The following MMP25 variants were observed in gnomAD, a reference collection of about 807,000 sequenced individuals.
MMP25 encodes matrix metallopeptidase 25, also known as matrix metalloproteinase-25.
In MMP25, 68 loss-of-function variants were observed where a neutral mutation model predicts 62.1. The ratio of observed to expected loss-of-function variants is 1.10; its 90% confidence interval spans 0.90 to 1.34. The LOEUF (loss-of-function observed/expected upper bound fraction) is 1.34. Ranked by LOEUF, MMP25 falls within the 40% of genes most tolerant of loss-of-function variation. MMP25 has a pLI of 0.00. For missense variants in MMP25, 942 were observed against 792.5 expected (o/e 1.19, Z -2.26); for synonymous variants, 407 against 345.6 (o/e 1.18, Z -1.97).
At position 3,060,191 on chromosome 16, in the gene MMP25, C is replaced by G. The variant is rs1956089788; in HGVS notation, c.*1093C>G. ...AGGATCTAAATGATTGCCTCTGGAA[C>G]TATTCTTCTAGACTATCCCACATCA... On this transcript the variant is annotated 3_prime_UTR_variant, in exon 10 of 10. Transcript: ENST00000336577. 6.6e-6 allele frequency: 1 copy of G among 152,190 alleles called. No homozygotes were observed. The highest frequency in any genetic ancestry group is 1.5e-5 in the Non-Finnish European group (1 of 68,064). 9.4% of individuals were successfully genotyped at this position (152,190 alleles called of 1,614,324 possible).
chr16:3,059,292 C>T lies in MMP25; in HGVS notation c.*194C>T, dbSNP rs7206865. 0.098 allele frequency: 60,221 copies of T among 615,814 alleles called. 3,707 individuals carry two copies. Among genetic ancestry groups the T allele is most frequent in the African/African-American group, 0.2 (10,467 of 51,544 alleles). The allele number at this position is 615,814 out of a possible 1,614,324, so 38.1% of individuals were successfully genotyped here. On this transcript the variant is annotated 3_prime_UTR_variant, in exon 10 of 10. Transcript: ENST00000336577. ...GGGACCGGTCGCCTGGCGCTGGGCT[C>T]AGTCTCCTCAGGGTCTGAGACCCCG...
rs553635321 is a variant in MMP25 at position 3,055,451 on chromosome 16, C to T, written c.662-1582C>T. ...CAGTCGACAGGGAAATTCGTCAGTG[C>T]GGATGTGATTTGAGCAAGACCATTG... On this transcript the variant is annotated intron_variant, in intron 4 of 9. Transcript: ENST00000336577. 1.7e-3 allele frequency among the ~76,000 whole-genome samples: 253 copies of T among 152,250 alleles called. 1 individual carries two copies. The highest frequency in any genetic ancestry group is 2.5e-3 in the Non-Finnish European group (172 of 68,006).
chr16:3,047,143 G>A (rs1955833222), intron 1 of MMP25, 127 bp downstream of exon 1: 3 of 1,155,074 alleles, frequency 2.6e-6, no homozygotes, highest in Non-Finnish European at 3.5e-6. Context: ...CTGAGGATGG[G>A]GTCTGTGCTC....
rs1238235261 is a variant in MMP25, at chr16:3,056,792, C to T, written c.662-241C>T. On this transcript the variant is annotated intron_variant, in intron 4 of 9. Transcript: ENST00000336577. Reference sequence around the variant, plus strand: ...CCATCGGTGTGTAAGGTGGCCTATTCCTCTGTGTGTTCTCTGGATCTTTTC... The same window carrying T: ...CCATCGGTGTGTAAGGTGGCCTATTTCTCTGTGTGTTCTCTGGATCTTTTC... The T allele has an allele frequency of 1.3e-5, 6 of 469,920 alleles. No homozygotes were observed. In the Admixed American group the frequency reaches 1.6e-4, roughly 12 times the overall value. The allele number at this position is 469,920 out of a possible 1,614,324, so 29.1% of individuals were successfully genotyped here.
At position 3,059,330 on chromosome 16, in the gene MMP25, G is replaced by C. The variant is rs1956076480; in HGVS notation, c.*232G>C. 4.7e-6 allele frequency: 2 copies of C among 423,676 alleles called. No homozygotes were observed. Among genetic ancestry groups the C allele is most frequent in the East Asian group, 7.3e-5 (2 of 27,370 alleles). 26.2% of individuals were successfully genotyped at this position (423,676 alleles called of 1,614,324 possible). The stretch of plus-strand genomic sequence containing the variant: ...GTCTGAGACCCCGGCGCTGCCACCG[G>C]AACCCGCCTTCAGGGGCGCACGCGC... On this transcript the variant is annotated 3_prime_UTR_variant, in exon 10 of 10. Coordinates refer to ENST00000336577, the MANE Select transcript of MMP25 (RefSeq NM_022468.5).
rs1328355889 is a variant in MMP25, at chr16:3,059,252, G to C, written c.*154G>C. The C allele has an allele frequency of 1.1e-6, 1 of 929,738 alleles. No individual in the cohort carries two copies. The highest frequency in any genetic ancestry group is 3.3e-5 in the Admixed American group (1 of 29,896). The allele number at this position is 929,738 out of a possible 1,614,324, so 57.6% of individuals were successfully genotyped here. A position where few individuals can be genotyped will look rare whatever the true frequency, so the allele number is the denominator to read the frequency against. ...CTAAGCAGGGGGGATCTCCCGCGCAGGGGCGGCGGCGGCGGGGACCGGTCG... is the reference window on the plus strand; with the variant it reads ...CTAAGCAGGGGGGATCTCCCGCGCACGGGCGGCGGCGGCGGGGACCGGTCG... On this transcript the variant is annotated 3_prime_UTR_variant, in exon 10 of 10. Transcript: ENST00000336577.
chr16:3,057,307 C>T lies in MMP25; in HGVS notation c.839-3C>T. 1 of 1,614,108 alleles carries T rather than the reference C, an allele frequency of 6.2e-7. No individual in the cohort carries two copies. Among genetic ancestry groups the T allele is most frequent in the Non-Finnish European group, 8.5e-7 (1 of 1,179,992 alleles). ...GCACACCTGCCTGACTCTTTCCTCA[C>T]AGGGAAGGCGCCCCAAACCCCATAT... On this transcript the variant is annotated splice_region_variant and splice_polypyrimidine_tract_variant and intron_variant, in intron 5 of 9. Transcript: ENST00000336577.
In MMP25 at chr16:3,047,537, C is replaced by T. The variant is rs7198055; in HGVS notation, c.222C>T (p.Thr74=). The change falls in exon 2 of 10, where the codon ACC becomes ACT. Residue 74 remains threonine, a synonymous_variant. Coordinates refer to ENST00000336577, the MANE Select transcript of MMP25 (RefSeq NM_022468.5). ...VMQRFAGLPE[T]GRMDPGTVAT... ...AGAGGTTCGCGGGGCTGCCGGAGAC[C>T]GGCCGCATGGGTAGGTGGCCCCCAC... 1,540 of 1,613,136 alleles carry T rather than the reference C, an allele frequency of 9.5e-4. 13 individuals are homozygous for T. In the African/African-American group the frequency reaches 0.018, roughly 18 times the overall value.
chr16:3,050,263 C>T lies in MMP25; in HGVS notation c.378C>T (p.Ser126=), dbSNP rs1261483969. 1.3e-6 allele frequency: 2 copies of T among 1,596,732 alleles called. No individual in the cohort carries two copies. The highest frequency in any genetic ancestry group is 2.7e-5 in the African/African-American group (2 of 74,676). Residue 126 remains serine, a synonymous_variant, in exon 4 of 10, where the codon TCC becomes TCT. Transcript: ENST00000336577. ...ACTCCCCTCTCCCCAGGGTACGTTC[C>T]TTCCCCCAGAGCTCCCAGCTGAGCC... ...KKRTLTWRVR[S]FPQSSQLSQE... is the part of the protein sequence containing the mutation.
rs1445059595 is a variant in MMP25, at chr16:3,057,513, C to T, written c.924-18C>T. 6.2e-7 allele frequency: 1 copy of T among 1,611,922 alleles called. No individual in the cohort carries two copies. The highest frequency in any genetic ancestry group is 8.5e-7 in the Non-Finnish European group (1 of 1,178,148). On this transcript the variant is annotated intron_variant, in intron 6 of 9. Transcript: ENST00000336577. ...AAAACAAACCCCCCTCTCTACTCAC[C>T]TCTCCTTTCCTCCCCAGCCCATCCT... is the stretch of plus-strand genomic sequence containing the variant.
chr16:3,047,348 G>A, intron 1 of MMP25, 67 bp from the exon 2 acceptor site: 1 of 1,545,600 alleles, frequency 6.5e-7, no homozygotes, highest in East Asian at 2.3e-5. Flanking sequence ...CTGCCAGGAT[G>A]GTGGTGGGCA....
At position 3,057,537 on chromosome 16, in the gene MMP25, C is replaced by T. The variant is rs1956034640; in HGVS notation, c.930C>T (p.Ser310=). 3 of 1,614,048 alleles carry T rather than the reference C, an allele frequency of 1.9e-6. No homozygotes were observed. The highest frequency in any genetic ancestry group is 1.7e-6 in the Non-Finnish European group (2 of 1,179,922). The part of the protein sequence containing the change: ...QPPASPTHSP[S]FPIPDRCEGN... ...CCTCTCCTTTCCTCCCCAGCCCATCCTTCCCCATCCCTGATCGATGTGAGG... is the reference window on the plus strand; with the variant it reads ...CCTCTCCTTTCCTCCCCAGCCCATCTTTCCCCATCCCTGATCGATGTGAGG... The change falls in exon 7 of 10, where the codon TCC becomes TCT. Residue 310 remains serine, a synonymous_variant. Transcript: ENST00000336577.
Position 3,060,224 on chromosome 16 carries a change from T to A in MMP25, c.*1126T>A, listed in dbSNP as rs1956090133. On this transcript the variant is annotated 3_prime_UTR_variant, in exon 10 of 10. Coordinates refer to ENST00000336577, the MANE Select transcript of MMP25 (RefSeq NM_022468.5). The stretch of plus-strand genomic sequence containing the variant: ...CTAGACTATCCCACATCAGAATCAC[T>A]GGGAAATTTAAGTTTGCAGATCCCA... 1 of 152,098 alleles carries A rather than the reference T, an allele frequency of 6.6e-6. No homozygotes were observed. Among genetic ancestry groups the A allele is most frequent in the South Asian group, 2.1e-4 (1 of 4,824 alleles). 9.4% of individuals were successfully genotyped at this position (152,098 alleles called of 1,614,324 possible). A position where few individuals can be genotyped will look rare whatever the true frequency, so the allele number is the denominator to read the frequency against.
At chr16:3,056,127 G>A (rs1200533699) in intron 4 of MMP25, 2 of 329,168 alleles carry the variant, frequency 6.1e-6, no homozygotes, top group Middle Eastern at 1.1e-3. Context: ...GGGGGAGGGG[G>A]GATGGAGGAC....
At chr16:3,049,853 C>T (rs1955872783) in intron 2 of MMP25, 156 bp from the exon 3 acceptor site, 2 of 1,093,570 alleles carry the variant, frequency 1.8e-6, no homozygotes, top group African/African-American at 3.1e-5. Flanking sequence ...CAGAGACAGA[C>T]TGCCTGGGTT....
At position 3,051,538 on chromosome 16, in the gene MMP25, C is replaced by T. The variant is rs1955901401; in HGVS notation, c.661+992C>T. On this transcript the variant is annotated intron_variant, in intron 4 of 9. Coordinates refer to ENST00000336577, the MANE Select transcript of MMP25 (RefSeq NM_022468.5). ...CATGGCATCTAGACTGGTGTTTCAC[C>T]AACCAGCTGGGCACGACAGCCGGGC... 4 of 152,220 alleles carry T rather than the reference C, an allele frequency of 2.6e-5. No homozygotes were observed. The South Asian group carries it at 8.3e-4, about 32-fold the overall frequency. 9.4% of individuals were successfully genotyped at this position (152,220 alleles called of 1,614,324 possible).
At position 3,046,610 on chromosome 16, in the gene MMP25, C is replaced by T. The variant is rs1187105371; in HGVS notation, c.-308C>T. 2.4e-5 allele frequency: 6 copies of T among 254,198 alleles called. No homozygotes were observed. The highest frequency in any genetic ancestry group is 4.5e-5 in the Non-Finnish European group (6 of 134,326). The allele number at this position is 254,198 out of a possible 1,614,324, so 15.7% of individuals were successfully genotyped here. A position where few individuals can be genotyped will look rare whatever the true frequency, so the allele number is the denominator to read the frequency against. On this transcript the variant is annotated 5_prime_UTR_variant, in exon 1 of 10. Coordinates refer to ENST00000336577, the MANE Select transcript of MMP25 (RefSeq NM_022468.5). ...AGAGGAGGGGCCGCTGGCGCAGCGC[C>T]CCGGGACCCCGAGAGGCCGCCGCGG...
rs141837567 is a variant in MMP25 at position 3,057,058 on chromosome 16, C to T, written c.687C>T (p.Ala229=). The change falls in exon 5 of 10, where the codon GCC becomes GCT. Residue 229 remains alanine (A), a synonymous_variant. Transcript: ENST00000336577. The part of the protein sequence containing the change: ...SKDGEGTDLF[A]VAVHEFGHAL... ...ACGGCGAGGGGACCGACCTGTTTGC[C>T]GTGGCTGTCCATGAGTTTGGCCACG... 1.5e-3 allele frequency: 2,352 copies of T among 1,594,590 alleles called. 8 individuals are homozygous for T. The highest frequency in any genetic ancestry group is 1.9e-3 in the Non-Finnish European group (2,207 of 1,169,710).
intron 2 of MMP25, among the ~76,000 whole-genome samples, chr16:3,047,837 G>C (rs1213362000): frequency 7.9e-6 from 1 of 126,212 alleles, no homozygotes; most frequent in Admixed American, 8.8e-5. Context: ...ACTCTCCAAG[G>C]ATTTTTTTTT....
Sources: allele counts gnomAD v4.1 joint callset (sites outside exome capture counted in the v4.1 genomes callset), GRCh38; gene constraint gnomAD v4.1.1; transcripts MANE v1.5; gene names NCBI Gene and HGNC (gene_info 2026-07-23, HGNC 2026-07-21).